The following HAS1 variants were observed in gnomAD, a reference collection of about 807,000 sequenced individuals.
HAS1 encodes the protein hyaluronan synthase 1, also known as HA synthase 1.
HAS1 carries 27 observed loss-of-function variants against 35.0 expected under a neutral mutation model. The ratio of observed to expected loss-of-function variants is 0.77; its 90% confidence interval spans 0.57 to 1.06. The LOEUF is 1.06. Among genes scored for constraint, HAS1 ranks in the 50% least tolerant of loss-of-function variants. The pLI is 0.00. For missense variants in HAS1, 940 were observed against 814.8 expected (o/e 1.15, Z -1.87); for synonymous variants, 409 against 371.2 (o/e 1.10, Z -1.17).
chr19:51,716,399 G>A lies in HAS1; in HGVS notation c.926-11C>T. On this transcript the variant is annotated splice_polypyrimidine_tract_variant and intron_variant, in intron 3 of 4. Transcript: ENST00000540069. ...TATTCCTATATAGGCCTGGGTGGAG[G>A]GGAGGTGTGAAAGAGTGTCAGCCTC... 1 of 1,604,806 alleles carries A rather than the reference G, an allele frequency of 6.2e-7. No individual in the cohort carries two copies. Among genetic ancestry groups the A allele is most frequent in the Non-Finnish European group, 8.5e-7 (1 of 1,175,662 alleles).
Position 51,717,146 on chromosome 19 carries a change from G to C in HAS1, c.747C>G (p.Leu249=), listed in dbSNP as rs201445042. Residue 249 remains leucine (L), a synonymous_variant, in exon 3 of 5, where the codon CTC becomes CTG. Transcript: ENST00000540069. ...GGGGGTCCTCGTCCAGTACCCGCAC[G>C]AGCTCCAGCAGTGCCATGGGGTCCA... The part of the protein sequence containing the change: ...TRLDPMALLE[L]VRVLDEDPRV... 6.2e-7 allele frequency: 1 copy of C among 1,613,874 alleles called. No homozygotes were observed. Among genetic ancestry groups the C allele is most frequent in the Non-Finnish European group, 8.5e-7 (1 of 1,179,924 alleles).
At chr19:51,720,058 C>G (rs1240937918) in intron 1 of HAS1, 163 bp from the exon 2 acceptor site, 1 of 569,310 alleles carries the variant, frequency 1.8e-6, no homozygotes, top group Non-Finnish European at 3.1e-6. Context: ...CTTTCTCTCT[C>G]TCTGTGTCTG....
chr19:51,713,165 T>C lies in HAS1; in HGVS notation c.*262A>G, dbSNP rs2083551159. ...CTGATCACACAGTAGAAATGGAGAT[T>C]AAATAAGAACGAGGAGAAAGCAGGA... On this transcript the variant is annotated 3_prime_UTR_variant, in exon 5 of 5. Transcript: ENST00000540069. The surrounding 1 kb of genome is among the most constrained non-coding windows in gnomAD (Gnocchi z 4.5). 9.8e-6 allele frequency: 4 copies of C among 406,828 alleles called. No homozygotes were observed. The highest frequency in any genetic ancestry group is 6.1e-4 in the Middle Eastern group (1 of 1,628). 25.2% of individuals were successfully genotyped at this position (406,828 alleles called of 1,614,324 possible).
At chr19:51,719,107 G>T in intron 2 of HAS1, 99 bp downstream of exon 2, 1 of 674,206 alleles carries the variant, frequency 1.5e-6, no homozygotes, top group Non-Finnish European at 2.5e-6. Context: ...AATAAAGAAA[G>T]GGAGAGAGTC....
intron 1 of HAS1, among the ~76,000 whole-genome samples, chr19:51,721,274 C>G (rs1354293851): frequency 6.6e-6 from 1 of 152,144 alleles, no homozygotes; most frequent in Non-Finnish European, 1.5e-5. Flanking sequence ...GTGGCTTGCA[C>G]AAGATCAGCA....
chr19:51,720,747 C>T (rs1425229013), intron 1 of HAS1, among the ~76,000 whole-genome samples: 1 of 152,152 alleles, frequency 6.6e-6, no homozygotes, highest in African/African-American at 2.4e-5. Context: ...GCATGAGCCA[C>T]CAAGCCCAGC....
In HAS1 at chr19:51,719,071, G is replaced by T. The variant is rs1002794194; in HGVS notation, c.699+135C>A. The T allele has an allele frequency of 1.5e-4, 76 of 515,248 alleles. 1 individual carries two copies. Among genetic ancestry groups the T allele is most frequent in the Non-Finnish European group, 2.1e-4 (62 of 296,194 alleles). 31.9% of individuals were successfully genotyped at this position (515,248 alleles called of 1,614,324 possible). ...TGGATGAAAGAATGAGTGAAGGAAA[G>T]AATCTCTCCACTGCATGGATGAAAG... On this transcript the variant is annotated intron_variant, in intron 2 of 4. Transcript: ENST00000540069.
rs945374853 is a variant in HAS1 at position 51,719,572 on chromosome 19, G to C, written c.333C>G (p.Arg111=). Residue 111 remains arginine, a synonymous_variant, in exon 2 of 5, where the codon CGC becomes CGG. Transcript: ENST00000540069. ...SAYQEDPAYL[R]QCLASARALL... is the part of the protein sequence containing the mutation. The stretch of plus-strand genomic sequence containing the variant: ...GGGCGCGGGCGGACGCCAGGCACTG[G>C]CGCAGGTACGCGGGGTCCTCCTGGT... The C allele has an allele frequency of 7.1e-6, 11 of 1,544,532 alleles. No homozygotes were observed. The highest frequency in any genetic ancestry group is 9.6e-6 in the Non-Finnish European group (11 of 1,144,450).
At chr19:51,714,588 G>A (rs1261399594) in intron 4 of HAS1, among the ~76,000 whole-genome samples, 1 of 149,198 alleles carries the variant, frequency 6.7e-6, no homozygotes, top group African/African-American at 2.5e-5. Flanking sequence ...CTATTTGGGA[G>A]GCTGAGATGG....
intron 1 of HAS1, among the ~76,000 whole-genome samples, chr19:51,723,554 T>G (rs2083645289): frequency 6.6e-6 from 1 of 152,108 alleles, no homozygotes; most frequent in African/African-American, 2.4e-5. Context: ...CAAATCCAAC[T>G]CTCTTTCTCA....
At position 51,717,109 on chromosome 19, in the gene HAS1, C is replaced by G. The variant is rs764755611; in HGVS notation, c.784G>C (p.Val262Leu). 3.1e-6 allele frequency: 5 copies of G among 1,614,080 alleles called. No individual in the cohort carries two copies. Among genetic ancestry groups the G allele is most frequent in the East Asian group, 4.5e-5 (2 of 44,876 alleles). The change falls in exon 3 of 5, where the codon GTT (valine) becomes CTT (leucine). Residue 262 changes from valine to leucine, a missense_variant. Coordinates refer to ENST00000540069, the MANE Select transcript of HAS1 (RefSeq NM_001297436.2). ...TTAAGGATCCGCACGTCCCCACCAA[C>G]AGCCCCTACCCGGGGGTCCTCGTCC... Reference protein sequence around the residue: ...VLDEDPRVGAVGGDVRILNPL... With the variant: ...VLDEDPRVGALGGDVRILNPL...
chr19:51,714,127 C>A (rs1326096422), intron 4 of HAS1, 25 bp from the exon 5 acceptor site: 2 of 1,600,286 alleles, frequency 1.2e-6, no homozygotes, highest in Non-Finnish European at 1.7e-6. Flanking sequence ...GGAATGAGGG[C>A]ATCATCGCGT....
In HAS1 at chr19:51,719,875, AG is replaced by A; in HGVS notation, c.29del (p.Pro10LeufsTer14). MRQDAPKPTPAACRCSGLAR... is the reference protein window; with the variant it reads MRQDAPKPTXAACRCSGLAR... Reference sequence around the variant, plus strand: ...CCAGGCCGGAGCAGCGGCAGGCTGCAGGAGTGGGCTTGGGCGCGTCCTGCTG... The same window carrying A: ...CCAGGCCGGAGCAGCGGCAGGCTGCAGAGTGGGCTTGGGCGCGTCCTGCTG... On this transcript the variant is annotated frameshift_variant, in exon 2 of 5. Coordinates refer to ENST00000540069, the MANE Select transcript of HAS1 (RefSeq NM_001297436.2). LOFTEE classifies it high-confidence loss of function. 6.5e-7 allele frequency: 1 copy of A among 1,538,732 alleles called. No homozygotes were observed. Among genetic ancestry groups the A allele is most frequent in the Non-Finnish European group, 8.7e-7 (1 of 1,147,160 alleles).
In HAS1 at chr19:51,717,099, T is replaced by A. The variant is rs1395191832; in HGVS notation, c.794A>T (p.Asp265Val). ...GTCCAGAGGGTTAAGGATCCGCACG[T>A]CCCCACCAACAGCCCCTACCCGGGG... ...EDPRVGAVGG[D>V]VRILNPLDSW... The change falls in exon 3 of 5, where the codon GAC becomes GTC. Residue 265 changes from aspartate to valine, a missense_variant. By Grantham distance (152) the Asp-to-Val change is radical (BLOSUM62 -3). Transcript: ENST00000540069. 6 of 1,613,776 alleles carry A rather than the reference T, an allele frequency of 3.7e-6. No individual in the cohort carries two copies. Among genetic ancestry groups the A allele is most frequent in the Non-Finnish European group, 5.1e-6 (6 of 1,179,884 alleles).
Position 51,713,721 on chromosome 19 carries a change from G to A in HAS1, c.1440C>T (p.Val480=), listed in dbSNP as rs1338315221. ...GLLPAKFLAL[V]TMNQSGWGTS... ...TGCCCCAGCCACTCTGGTTCATGGT[G>A]ACTAGCGCCAGGAACTTGGCAGGCA... The change falls in exon 5 of 5, where the codon GTC becomes GTT. Residue 480 remains valine, a synonymous_variant. Transcript: ENST00000540069. The surrounding 1 kb of genome is among the most constrained non-coding windows in gnomAD (Gnocchi z 4.5). The A allele has an allele frequency of 1.2e-6, 2 of 1,606,944 alleles. No homozygotes were observed. The highest frequency in any genetic ancestry group is 2.2e-5 in the South Asian group (2 of 90,150).
chr19:51,713,794 C>A lies in HAS1; in HGVS notation c.1367G>T (p.Arg456Leu), dbSNP rs1354147152. 2.5e-6 allele frequency: 4 copies of A among 1,605,126 alleles called. No individual in the cohort carries two copies. The highest frequency in any genetic ancestry group is 1.1e-5 in the South Asian group (1 of 90,284). Residue 456 changes from arginine to leucine, a missense_variant, in exon 5 of 5, where the codon CGC (arginine) becomes CTC (leucine). Physicochemically the swap from Arg to Leu is moderately radical, Grantham distance 102 (BLOSUM62 -2). Transcript: ENST00000540069. The surrounding 1 kb of genome is among the most constrained non-coding windows in gnomAD (Gnocchi z 4.5). ...CGCGTAGAGCGACAGAAGCACCATGCGCAGGCAGCCCCGCAGCCAGGCCGC... is the reference window on the plus strand; with the variant it reads ...CGCGTAGAGCGACAGAAGCACCATGAGCAGGCAGCCCCGCAGCCAGGCCGC... ...AFAAWLRGCLRMVLLSLYAPL... is the reference protein window; with the variant it reads ...AFAAWLRGCLLMVLLSLYAPL...
intron 4 of HAS1, among the ~76,000 whole-genome samples, chr19:51,715,428 C>G (rs4802850): frequency 0.47 from 70,794 of 151,802 alleles, 17,243 homozygotes; most frequent in East Asian, 0.63. Context: ...ACTTCACCCC[C>G]AACCCCAAAA....
Position 51,717,088 on chromosome 19 carries a change from G to A in HAS1, c.805C>T (p.Leu269Phe). The change falls in exon 3 of 5, where the codon CTT becomes TTT. Residue 269 changes from leucine (L) to phenylalanine (F), a missense_variant. By Grantham distance (22) the Leu-to-Phe change is conservative. Transcript: ENST00000540069. ...CTGACCCAGGAGTCCAGAGGGTTAA[G>A]GATCCGCACGTCCCCACCAACAGCC... is the stretch of plus-strand genomic sequence containing the variant. Reference protein sequence around the residue: ...VGAVGGDVRILNPLDSWVSFL... With the variant: ...VGAVGGDVRIFNPLDSWVSFL... The A allele has an allele frequency of 6.2e-7, 1 of 1,614,050 alleles. No individual in the cohort carries two copies. The highest frequency in any genetic ancestry group is 8.5e-7 in the Non-Finnish European group (1 of 1,179,954).
Position 51,713,787 on chromosome 19 carries a change from C to G in HAS1, c.1374G>C (p.Val458=). The G allele has an allele frequency of 6.2e-7, 1 of 1,605,400 alleles. No individual in the cohort carries two copies. The highest frequency in any genetic ancestry group is 8.5e-7 in the Non-Finnish European group (1 of 1,176,542). Residue 458 remains valine, a synonymous_variant, in exon 5 of 5, where the codon GTG becomes GTC. Coordinates refer to ENST00000540069, the MANE Select transcript of HAS1 (RefSeq NM_001297436.2). This position sits in a 1 kb window ranked among gnomAD's most constrained non-coding sequence, Gnocchi z 4.5. ...AGAGGGGCGCGTAGAGCGACAGAAG[C>G]ACCATGCGCAGGCAGCCCCGCAGCC... ...AAWLRGCLRM[V]LLSLYAPLYM...
Sources: allele counts gnomAD v4.1 joint callset (sites outside exome capture counted in the v4.1 genomes callset), GRCh38; gene constraint gnomAD v4.1.1; non-coding constraint Gnocchi (gnomAD v3.1); transcripts MANE v1.5; gene names NCBI Gene and HGNC (gene_info 2026-07-23, HGNC 2026-07-21).